The following NUBPL variants were observed in gnomAD, a reference collection of about 807,000 sequenced individuals.
NUBPL encodes NUBP iron-sulfur cluster assembly factor, mitochondrial, also known as iron-sulfur cluster transfer protein NUBPL.
NUBPL carries 31 observed loss-of-function variants against 45.7 expected under a neutral mutation model. That is an observed-to-expected ratio of 0.68 (90% confidence interval 0.51 to 0.92). NUBPL has a LOEUF of 0.92. Ranked by LOEUF, NUBPL falls within the 40% of genes least tolerant of loss-of-function variation. The probability of loss-of-function intolerance (pLI) is 0.00; values close to 1 mark genes in which losing one functional copy is unlikely to be tolerated. For missense variants in NUBPL, 401 were observed against 398.7 expected (o/e 1.01, Z -0.05); for synonymous variants, 144 against 140.9 (o/e 1.02, Z -0.15).
chr14:31,809,194 A>G (rs1382858588), intron 7 of NUBPL, among the ~76,000 whole-genome samples: 8 of 152,178 alleles, frequency 5.3e-5, no homozygotes, highest in African/African-American at 1.7e-4. Context: ...AAGGAATGGT[A>G]CCAGCTCCTC....
intron 4 of NUBPL, among the ~76,000 whole-genome samples, chr14:31,634,683 G>C (rs200445519): frequency 1.9e-4 from 29 of 150,514 alleles, no homozygotes; most frequent in South Asian, 2.1e-4. Context: ...CACAATGGTT[G>C]AACCAGTTTA....
chr14:31,821,115 C>T (rs2040011188), intron 7 of NUBPL, among the ~76,000 whole-genome samples: 1 of 148,974 alleles, frequency 6.7e-6, no homozygotes, highest in Middle Eastern at 3.5e-3. Flanking sequence ...AAGAGCGAAA[C>T]TCCATCTCAA....
Position 31,784,979 on chromosome 14 carries a change from T to C in NUBPL, c.514-2801T>C, listed in dbSNP as rs928620264. Among the ~76,000 whole-genome samples, 6 of 152,178 alleles carry C rather than the reference T, an allele frequency of 3.9e-5. No individual in the cohort carries two copies. In the East Asian group the frequency reaches 5.8e-4, roughly 15 times the overall value. On this transcript the variant is annotated intron_variant, in intron 6 of 10. Coordinates refer to ENST00000281081, the MANE Select transcript of NUBPL (RefSeq NM_025152.3). Reference sequence around the variant, plus strand: ...TCCTATTTTAGGGCCTTTGCACTTATTATGGCTTCTGGCTGGAGTTCTTTC... The same window carrying C: ...TCCTATTTTAGGGCCTTTGCACTTACTATGGCTTCTGGCTGGAGTTCTTTC...
chr14:31,616,823 G>C (rs2034914720), intron 4 of NUBPL, among the ~76,000 whole-genome samples: 1 of 152,160 alleles, frequency 6.6e-6, no homozygotes, highest in Admixed American at 6.6e-5. Flanking sequence ...GTCAATGGTA[G>C]CTGGATGGGA....
chr14:31,726,068 G>T (rs1268378051), intron 6 of NUBPL, among the ~76,000 whole-genome samples: 2 of 152,102 alleles, frequency 1.3e-5, no homozygotes, highest in South Asian at 4.1e-4. Context: ...ACATTGCTTT[G>T]TACATAGGAG....
At chr14:31,618,306 T>G (rs2034965540) in intron 4 of NUBPL, among the ~76,000 whole-genome samples, 1 of 152,104 alleles carries the variant, frequency 6.6e-6, no homozygotes, top group Admixed American at 6.6e-5. Context: ...TTATTTGTTG[T>G]GTTCTGCTGG....
intron 3 of NUBPL, among the ~76,000 whole-genome samples, chr14:31,565,978 A>C (rs187882357): frequency 2.0e-5 from 3 of 152,054 alleles, no homozygotes; most frequent in African/African-American, 7.2e-5. Flanking sequence ...CTTATTTGCA[A>C]CTCCATAAAT....
chr14:31,798,306 T>TTC (rs979298265), intron 7 of NUBPL, among the ~76,000 whole-genome samples: 4 of 147,446 alleles, frequency 2.7e-5, no homozygotes, highest in Admixed American at 6.7e-5. Flanking sequence ...ATTTATGGTT[T>TTC]TTTTTTTTTT....
chr14:31,821,000 G>A (rs1214332954), intron 7 of NUBPL, among the ~76,000 whole-genome samples: 1 of 151,964 alleles, frequency 6.6e-6, no homozygotes, highest in Non-Finnish European at 1.5e-5. Context: ...GCGCATGCCT[G>A]TAATCCCAGC....
intron 3 of NUBPL, among the ~76,000 whole-genome samples, chr14:31,571,038 A>G (rs1427173685): frequency 2.6e-5 from 4 of 152,144 alleles, no homozygotes; most frequent in Admixed American, 2.0e-4. Context: ...ATCTTTAGCT[A>G]TTCTTCTAAA....
intron 6 of NUBPL, among the ~76,000 whole-genome samples, chr14:31,758,382 T>C (rs926145407): frequency 6.6e-6 from 1 of 152,228 alleles, no homozygotes; most frequent in Non-Finnish European, 1.5e-5. Context: ...ATTTTCATTA[T>C]TAATGTTTTC....
intron 7 of NUBPL, among the ~76,000 whole-genome samples, chr14:31,790,519 G>A (rs1211016999): frequency 6.6e-6 from 1 of 152,112 alleles, no homozygotes; most frequent in Non-Finnish European, 1.5e-5. Flanking sequence ...CATCACCAGA[G>A]CCTTCATCTT....
intron 4 of NUBPL, among the ~76,000 whole-genome samples, chr14:31,628,364 CTAAG>C (rs1566458699): frequency 6.6e-6 from 1 of 152,114 alleles, no homozygotes; most frequent in Non-Finnish European, 1.5e-5. Context: ...TGCTGGTCTT[CTAAG>C]TGTTTACACA....
chr14:31,570,166 C>T (rs2033543999), intron 3 of NUBPL, among the ~76,000 whole-genome samples: 1 of 152,142 alleles, frequency 6.6e-6, no homozygotes. Context: ...AGATTACATT[C>T]ACAAATGTTT....
chr14:31,730,820 G>T (rs919698133), intron 6 of NUBPL, among the ~76,000 whole-genome samples: 1 of 152,154 alleles, frequency 6.6e-6, no homozygotes, highest in African/African-American at 2.4e-5. Flanking sequence ...TTTCCAAGCT[G>T]TAGCAGAGAC....
At chr14:31,609,557 G>T (rs956769544) in intron 4 of NUBPL, among the ~76,000 whole-genome samples, 2 of 152,038 alleles carry the variant, frequency 1.3e-5, no homozygotes, top group Non-Finnish European at 2.9e-5. Flanking sequence ...GACTTTATCT[G>T]TATAGACATA....
intron 4 of NUBPL, among the ~76,000 whole-genome samples, chr14:31,663,462 G>T (rs534512445): frequency 2.0e-5 from 3 of 152,294 alleles, no homozygotes; most frequent in South Asian, 2.1e-4. Context: ...CATATGGCTA[G>T]CCAGTTTTCC....
At chr14:31,799,231 A>C (rs546370256) in intron 7 of NUBPL, among the ~76,000 whole-genome samples, 146 of 152,208 alleles carry the variant, frequency 9.6e-4, no homozygotes, top group African/African-American at 2.1e-3. Context: ...AACCACCCCC[A>C]CACACACAAA....
At chr14:31,739,640 T>C (rs1248075287) in intron 6 of NUBPL, among the ~76,000 whole-genome samples, 1 of 152,184 alleles carries the variant, frequency 6.6e-6, no homozygotes. Flanking sequence ...TTTGTTATAC[T>C]TGATGAACCT....
Sources: allele counts gnomAD v4.1 joint callset (sites outside exome capture counted in the v4.1 genomes callset), GRCh38; gene constraint gnomAD v4.1.1; transcripts MANE v1.5; gene names NCBI Gene and HGNC (gene_info 2026-07-23, HGNC 2026-07-21).